The following LAMA2 variants were observed in gnomAD, a reference collection of about 807,000 sequenced individuals.
The protein encoded by LAMA2 is laminin subunit alpha 2, also known as laminin subunit alpha-2.
Under a neutral mutation model 364.8 loss-of-function variants are expected in LAMA2, and 269 were observed. The observed-to-expected ratio is 0.74, with a 90% CI of 0.67 to 0.82. The LOEUF (loss-of-function observed/expected upper bound fraction) is 0.82, where lower values mean the gene tolerates loss of function less well. Among genes scored for constraint, LAMA2 ranks in the 40% least tolerant of loss-of-function variants. LAMA2 has a pLI of 0.00. For missense variants in LAMA2, 3,807 were observed against 3,873.2 expected (o/e 0.98, Z 0.45); for synonymous variants, 1,379 against 1,370.6 (o/e 1.01, Z -0.14).
At chr6:129,098,436 A>G (rs761714626) in intron 4 of LAMA2, 21 bp downstream of exon 4, 32 of 1,613,246 alleles carry the variant, frequency 2.0e-5, no homozygotes, top group South Asian at 7.7e-5. Context: ...AAAACTCACC[A>G]TTTAAGCACA....
rs918743159 is a variant in LAMA2, at chr6:128,984,631, T to C, written c.113-65287T>C. 2.7e-5 allele frequency among the ~76,000 whole-genome samples: 4 copies of C among 148,306 alleles called. No homozygotes were observed. The Admixed American group carries it at 2.8e-4, about 10-fold the overall frequency. ...TTTTCTATGGAAGAAACAAGGTTCT[T>C]TTGTAGAGATGAGAATTTAAATGAT... On this transcript the variant is annotated intron_variant, in intron 1 of 64. Transcript: ENST00000421865.
At chr6:129,149,871 A>G (rs1045516151) in intron 7 of LAMA2, among the ~76,000 whole-genome samples, 1 of 152,144 alleles carries the variant, frequency 6.6e-6, no homozygotes, top group Non-Finnish European at 1.5e-5. Flanking sequence ...TAATCTAGAG[A>G]TGATCTAAAG....
chr6:129,197,214 G>A (rs940513364), intron 12 of LAMA2, among the ~76,000 whole-genome samples: 1 of 152,090 alleles, frequency 6.6e-6, no homozygotes, highest in South Asian at 2.1e-4. Context: ...CTGTCTCTTG[G>A]GGAAATTTGC....
intron 34 of LAMA2, among the ~76,000 whole-genome samples, chr6:129,382,885 A>G (rs915871374): frequency 6.6e-6 from 1 of 152,238 alleles, no homozygotes; most frequent in Non-Finnish European, 1.5e-5. Flanking sequence ...ATAGCATATA[A>G]CAAGCGTTTT....
In LAMA2 at chr6:129,328,685, C is replaced by CT. The variant is rs1289041016; in HGVS notation, c.4311+280dup. On this transcript the variant is annotated intron_variant, in intron 29 of 64. Transcript: ENST00000421865. Reference sequence around the variant, plus strand: ...ATACCTATTTAAAAATTATGTGTGCCTTTTTTTCTGATTATTTTCTTATAA... The same window carrying CT: ...ATACCTATTTAAAAATTATGTGTGCCTTTTTTTTCTGATTATTTTCTTATAA... Among the ~76,000 whole-genome samples, 58 of 152,082 alleles carry CT rather than the reference C, an allele frequency of 3.8e-4. 1 individual carries two copies. The highest frequency in any genetic ancestry group is 1.4e-3 in the African/African-American group (57 of 41,492).
At chr6:129,199,361 C>G (rs570320441) in intron 12 of LAMA2, among the ~76,000 whole-genome samples, 33 of 152,238 alleles carry the variant, frequency 2.2e-4, no homozygotes, top group African/African-American at 6.5e-4. Flanking sequence ...CTGATGAAGG[C>G]TATCTACATA....
chr6:129,144,215 T>G (rs966552600), intron 5 of LAMA2, 135 bp downstream of exon 5: 7 of 524,838 alleles, frequency 1.3e-5, no homozygotes, highest in East Asian at 3.3e-5. Context: ...AATTGTAGAT[T>G]ATTATTATTA....
chr6:129,081,625 G>T (rs1562221921), intron 3 of LAMA2, among the ~76,000 whole-genome samples: 1 of 152,078 alleles, frequency 6.6e-6, no homozygotes, highest in Non-Finnish European at 1.5e-5. Flanking sequence ...ATTATCATTG[G>T]TCCATTTTGT....
intron 12 of LAMA2, among the ~76,000 whole-genome samples, chr6:129,223,779 T>C (rs1430620453): frequency 2.6e-5 from 4 of 152,240 alleles, no homozygotes; most frequent in Non-Finnish European, 1.5e-5. Context: ...GGTAGCATGA[T>C]GCCTCCAGCT....
intron 1 of LAMA2, among the ~76,000 whole-genome samples, chr6:129,004,964 A>G (rs571191449): frequency 6.6e-6 from 1 of 152,206 alleles, no homozygotes; most frequent in Admixed American, 6.5e-5. Flanking sequence ...AACCTCATGG[A>G]ATTATCAGAT....
At chr6:129,230,409 A>T (rs746885936) in intron 12 of LAMA2, among the ~76,000 whole-genome samples, 1 of 152,116 alleles carries the variant, frequency 6.6e-6, no homozygotes, top group Non-Finnish European at 1.5e-5. Context: ...AAGAAAGAAT[A>T]TGGAGATAGC....
chr6:129,367,291 C>G (rs1474824760), intron 33 of LAMA2, among the ~76,000 whole-genome samples: 3 of 152,158 alleles, frequency 2.0e-5, no homozygotes, highest in Admixed American at 2.0e-4. Flanking sequence ...TTATAGAATA[C>G]CTCAGCATTG....
intron 40 of LAMA2, among the ~76,000 whole-genome samples, chr6:129,415,646 G>A (rs1052907050): frequency 6.6e-6 from 1 of 152,036 alleles, no homozygotes; most frequent in African/African-American, 2.4e-5. Context: ...AGGAGTTTGA[G>A]ACCAGCCTGG....
intron 36 of LAMA2, among the ~76,000 whole-genome samples, 162 bp downstream of exon 36, chr6:129,391,815 CTATT>C (rs1290480481): frequency 2.0e-5 from 3 of 152,074 alleles, no homozygotes; most frequent in Non-Finnish European, 2.9e-5. Flanking sequence ...ATCTATCTAT[CTATT>C]TATCTATCTA....
chr6:129,047,192 A>T (rs1168484303), intron 1 of LAMA2, among the ~76,000 whole-genome samples: 3 of 147,466 alleles, frequency 2.0e-5, no homozygotes, highest in Non-Finnish European at 3.0e-5. Flanking sequence ...TGGAAAAGAT[A>T]AAAAAAAATA....
At chr6:128,941,317 A>T (rs892508505) in intron 1 of LAMA2, among the ~76,000 whole-genome samples, 1 of 152,238 alleles carries the variant, frequency 6.6e-6, no homozygotes, top group Non-Finnish European at 1.5e-5. Context: ...AGAAGTAAGT[A>T]GAATGAGGTG....
At chr6:129,463,323 C>G (rs987697245) in intron 49 of LAMA2, among the ~76,000 whole-genome samples, 1 of 151,872 alleles carries the variant, frequency 6.6e-6, no homozygotes, top group African/African-American at 2.4e-5. Flanking sequence ...TATTCTATGT[C>G]GAAATATTAT....
At chr6:129,166,458 A>C (rs1226661168) in intron 9 of LAMA2, among the ~76,000 whole-genome samples, 1 of 152,184 alleles carries the variant, frequency 6.6e-6, no homozygotes, top group Non-Finnish European at 1.5e-5. Flanking sequence ...TTTCTTAGGT[A>C]CAATTCTTGT....
intron 40 of LAMA2, among the ~76,000 whole-genome samples, chr6:129,418,891 G>C (rs974434385): frequency 6.6e-6 from 1 of 151,914 alleles, no homozygotes; most frequent in Non-Finnish European, 1.5e-5. Flanking sequence ...AGATAAAAGT[G>C]GTATATATTT....
Sources: gnomAD v4.1 joint callset for allele counts (sites outside exome capture counted in the v4.1 genomes callset) on GRCh38, gnomAD v4.1.1 for gene constraint, MANE v1.5 for transcripts, NCBI Gene and HGNC (gene_info 2026-07-23, HGNC 2026-07-21) for gene names.